SLCO1C1: variants seen among roughly 807,000 people sequenced by gnomAD.
SLCO1C1 encodes solute carrier organic anion transporter family member 1C1, also known as OAT-RP-5.
A neutral mutation model predicts 76.4 loss-of-function variants in SLCO1C1; 70 were observed. That is an observed-to-expected ratio of 0.92 (90% CI 0.76 to 1.12). The LOEUF is 1.12. SLCO1C1 is among the 50% of genes most tolerant of loss of function. The pLI is 0.00. For missense variants in SLCO1C1, 912 were observed against 823.8 expected (o/e 1.11, Z -1.31); for synonymous variants, 306 against 286.1 (o/e 1.07, Z -0.70).
In SLCO1C1 at chr12:20,752,603, T is replaced by C; in HGVS notation, c.*75T>C. The stretch of plus-strand genomic sequence containing the variant: ...ACAAATAAATTGTAATCAAAAGAGC[T>C]CTAAATTTGTAATTTCTTTCTCCTT... On this transcript the variant is annotated 3_prime_UTR_variant, in exon 15 of 15. Coordinates refer to ENST00000266509, the MANE Select transcript of SLCO1C1 (RefSeq NM_017435.5). The C allele has an allele frequency of 1.6e-6, 2 of 1,259,704 alleles. No individual in the cohort carries two copies. Among genetic ancestry groups the C allele is most frequent in the Non-Finnish European group, 2.2e-6 (2 of 926,706 alleles). The allele number at this position is 1,259,704 out of a possible 1,614,324, so 78.0% of individuals were successfully genotyped here.
chr12:20,717,577 A>G (rs957245675), intron 7 of SLCO1C1, among the ~76,000 whole-genome samples: 1 of 147,614 alleles, frequency 6.8e-6, no homozygotes, highest in Non-Finnish European at 1.5e-5. Context: ...AGTTACATCA[A>G]TTGATAATGT....
chr12:20,750,627 A>C (rs754906594), intron 13 of SLCO1C1, 48 bp from the exon 14 acceptor site: 10 of 1,547,860 alleles, frequency 6.5e-6, no homozygotes, highest in Non-Finnish European at 8.9e-6. Flanking sequence ...TTCATAGACA[A>C]AAAGATGTGC....
intron 7 of SLCO1C1, among the ~76,000 whole-genome samples, chr12:20,718,212 G>A (rs1947478800): frequency 6.6e-6 from 1 of 152,070 alleles, no homozygotes; most frequent in Non-Finnish European, 1.5e-5. Context: ...AATTGTTAAG[G>A]GGAAGCAATT....
intron 4 of SLCO1C1, among the ~76,000 whole-genome samples, chr12:20,708,620 T>G (rs923806408): frequency 1.3e-5 from 2 of 152,114 alleles, no homozygotes; most frequent in Non-Finnish European, 2.9e-5. Context: ...GAAAGAAGAC[T>G]TCTAGCCTAA....
At position 20,743,286 on chromosome 12, in the gene SLCO1C1, G is replaced by A. The variant is rs1320428555; in HGVS notation, c.1734-19G>A. On this transcript the variant is annotated intron_variant, in intron 12 of 14. Transcript: ENST00000266509. ...AATGGATTATATATTTCTTGTAATG[G>A]TGCTTTTGTTGATTTTAGGTGCATT... 6.2e-7 allele frequency: 1 copy of A among 1,608,994 alleles called. No homozygotes were observed. Among genetic ancestry groups the A allele is most frequent in the Non-Finnish European group, 8.5e-7 (1 of 1,176,556 alleles).
In SLCO1C1 at chr12:20,711,437, T is replaced by TC; in HGVS notation, c.458dup (p.Cys154ValfsTer23). 6.2e-7 allele frequency: 1 copy of TC among 1,613,880 alleles called. No homozygotes were observed. Among genetic ancestry groups the TC allele is most frequent in the Non-Finnish European group, 8.5e-7 (1 of 1,179,842 alleles). On this transcript the variant is annotated frameshift_variant, in exon 5 of 15. Transcript: ENST00000266509. LOFTEE classifies it high-confidence loss of function. Reference sequence around the variant, plus strand: ...CCTCCAATTCCACTCTCAGCATCTCTCCGTGTCTCCTAGAGTCAAGCAGTC... The same window carrying TC: ...CCTCCAATTCCACTCTCAGCATCTCTCCCGTGTCTCCTAGAGTCAAGCAGTC...
chr12:20,747,490 T>C (rs752599297), intron 13 of SLCO1C1, among the ~76,000 whole-genome samples: 3 of 152,116 alleles, frequency 2.0e-5, no homozygotes, highest in Non-Finnish European at 2.9e-5. Flanking sequence ...ACATTAATAA[T>C]TGTCAAAGCT....
chr12:20,725,531 C>A (rs1335375376), intron 9 of SLCO1C1, among the ~76,000 whole-genome samples: 1 of 147,360 alleles, frequency 6.8e-6, no homozygotes, highest in Non-Finnish European at 1.5e-5. Context: ...TCCACATGTA[C>A]ATTGGTGGGC....
intron 9 of SLCO1C1, among the ~76,000 whole-genome samples, chr12:20,731,403 GGAAA>G (rs1224496522): frequency 6.6e-6 from 1 of 150,876 alleles, no homozygotes; most frequent in East Asian, 1.9e-4. Flanking sequence ...ACAAACAAAG[GGAAA>G]GAAAGAAGAA....
At chr12:20,699,061 C>T (rs1008768031) in intron 1 of SLCO1C1, among the ~76,000 whole-genome samples, 4 of 152,006 alleles carry the variant, frequency 2.6e-5, no homozygotes, top group South Asian at 2.1e-4. Flanking sequence ...TTTTAAGGCT[C>T]ACATTGGGTG....
rs796285191 is a variant in SLCO1C1, at chr12:20,739,398, G to GT, written c.1549-775dup. Among the ~76,000 whole-genome samples the GT allele has an allele frequency of 2.1e-3, 293 of 140,602 alleles. 1 individual carries two copies. Among genetic ancestry groups the GT allele is most frequent in the South Asian group, 4.9e-3 (20 of 4,112 alleles). 92.2% of individuals were successfully genotyped at this position (140,602 alleles called of 152,430 possible). Reference sequence around the variant, plus strand: ...GGAGAGATGGGAGTTGTTTTTTTTTGTTTTTTTTTTTAAATGGATAGTCAT... The same window carrying GT: ...GGAGAGATGGGAGTTGTTTTTTTTTGTTTTTTTTTTTTAAATGGATAGTCAT... On this transcript the variant is annotated intron_variant, in intron 11 of 14. Coordinates refer to ENST00000266509, the MANE Select transcript of SLCO1C1 (RefSeq NM_017435.5).
At chr12:20,708,317 T>C (rs774343169) in intron 4 of SLCO1C1, among the ~76,000 whole-genome samples, 15 of 152,112 alleles carry the variant, frequency 9.9e-5, no homozygotes, top group Admixed American at 2.0e-4. Context: ...ATTTGTGATA[T>C]ATGTATATAT....
intron 5 of SLCO1C1, among the ~76,000 whole-genome samples, chr12:20,713,430 T>C (rs1947227569): frequency 6.6e-6 from 1 of 152,148 alleles, no homozygotes; most frequent in African/African-American, 2.4e-5. Context: ...AAACCTGTAA[T>C]GTAAAAAGGT....
intron 3 of SLCO1C1, among the ~76,000 whole-genome samples, chr12:20,703,663 G>A (rs992716743): frequency 1.3e-5 from 2 of 151,738 alleles, no homozygotes; most frequent in Admixed American, 6.6e-5. Context: ...GTTAACCATG[G>A]AATTATTCCC....
intron 11 of SLCO1C1, among the ~76,000 whole-genome samples, chr12:20,739,232 T>C (rs1431629329): frequency 6.6e-6 from 1 of 152,148 alleles, no homozygotes; most frequent in East Asian, 1.9e-4. Context: ...CCCAGTTGCA[T>C]AATAACAAAG....
intron 13 of SLCO1C1, among the ~76,000 whole-genome samples, chr12:20,746,477 TA>T (rs35402736): frequency 4.4e-4 from 66 of 149,136 alleles, no homozygotes; most frequent in Middle Eastern, 3.4e-3. Flanking sequence ...AAGCATAGAT[TA>T]AAAAAAAAAA....
chr12:20,753,117 T>C lies in SLCO1C1; in HGVS notation c.*589T>C, dbSNP rs997365407. On this transcript the variant is annotated 3_prime_UTR_variant, in exon 15 of 15. Transcript: ENST00000266509. ...GCAAATTATATTGGGGATTAGAATT[T>C]TGAATTAATAGCTCTCCTACTATTA... The C allele has an allele frequency of 6.6e-6, 1 of 152,204 alleles. No homozygotes were observed. Among genetic ancestry groups the C allele is most frequent in the Non-Finnish European group, 1.5e-5 (1 of 68,030 alleles). 9.4% of individuals were successfully genotyped at this position (152,204 alleles called of 1,614,324 possible). A position where few individuals can be genotyped will look rare whatever the true frequency, so the allele number is the denominator to read the frequency against.
At chr12:20,747,467 C>T (rs1331545648) in intron 13 of SLCO1C1, among the ~76,000 whole-genome samples, 1 of 152,014 alleles carries the variant, frequency 6.6e-6, no homozygotes, top group East Asian at 1.9e-4. Context: ...AGAGATGAAA[C>T]AGCAATGGCA....
intron 9 of SLCO1C1, among the ~76,000 whole-genome samples, chr12:20,732,568 AT>A (rs1948334126): frequency 6.6e-6 from 1 of 152,178 alleles, no homozygotes; most frequent in African/African-American, 2.4e-5. Context: ...TGTGCCTATT[AT>A]TTTTTATATA....
Sources: gnomAD v4.1 joint callset for allele counts (sites outside exome capture counted in the v4.1 genomes callset) on GRCh38, gnomAD v4.1.1 for gene constraint, MANE v1.5 for transcripts, NCBI Gene and HGNC (gene_info 2026-07-23, HGNC 2026-07-21) for gene names.